The following CYB5R4 variants were observed in gnomAD, a reference collection of about 807,000 sequenced individuals.
CYB5R4 encodes the protein cytochrome b5 reductase 4.
In CYB5R4, 55 loss-of-function variants were observed where a neutral mutation model predicts 70.2. The observed-to-expected ratio is 0.78, with a 90% CI of 0.63 to 0.98. The LOEUF (loss-of-function observed/expected upper bound fraction) is 0.98. Among genes scored for constraint, CYB5R4 ranks in the 50% least tolerant of loss-of-function variants. The probability of loss-of-function intolerance (pLI) is 0.00; values close to 1 mark genes in which losing one functional copy is unlikely to be tolerated. For synonymous variants in CYB5R4, 197 were observed against 199.5 expected (o/e 0.99, Z 0.11); for missense variants, 562 against 612.6 (o/e 0.92, Z 0.87).
chr6:83,954,030 A>T (rs891381391), intron 14 of CYB5R4, among the ~76,000 whole-genome samples: 1 of 152,044 alleles, frequency 6.6e-6, no homozygotes, highest in Non-Finnish European at 1.5e-5. Context: ...AAGGGTCCCA[A>T]CCCCTTCTGG....
chr6:83,924,496 A>G lies in CYB5R4; in HGVS notation c.718A>G (p.Ile240Val). ...GCGGGTTGTTGAGAGTGTGGGAAAA[A>G]TAGAGATTGTTCTACAAAAAAAAGA... is the stretch of plus-strand genomic sequence containing the variant. ...SVRVVESVGK[I>V]EIVLQKKENT... The change falls in exon 10 of 16, where the codon ATA becomes GTA. Residue 240 changes from isoleucine to valine, a missense_variant. Physicochemically the swap from Ile to Val is conservative, Grantham distance 29. Transcript: ENST00000369681. 6.2e-7 allele frequency: 1 copy of G among 1,613,776 alleles called. No individual in the cohort carries two copies. Among genetic ancestry groups the G allele is most frequent in the South Asian group, 1.1e-5 (1 of 91,064 alleles).
intron 4 of CYB5R4, chr6:83,909,974 G>C: frequency 6.6e-7 from 1 of 1,506,756 alleles, no homozygotes; most frequent in Non-Finnish European, 9.1e-7. Context: ...CATCTTATAT[G>C]CATTAGTTTT....
chr6:83,884,886 T>C (rs933920211), intron 2 of CYB5R4, among the ~76,000 whole-genome samples: 1 of 152,216 alleles, frequency 6.6e-6, no homozygotes, highest in African/African-American at 2.4e-5. Context: ...TAGAATTAAA[T>C]ATTTGTTTGA....
intron 3 of CYB5R4, among the ~76,000 whole-genome samples, chr6:83,908,678 A>T (rs1006940555): frequency 7.9e-5 from 12 of 152,218 alleles, no homozygotes; most frequent in Admixed American, 4.6e-4. Context: ...TTTACCCACC[A>T]TTGCTTTTAT....
intron 8 of CYB5R4, 152 bp downstream of exon 8, chr6:83,921,327 A>C: frequency 1.5e-6 from 1 of 661,802 alleles, no homozygotes; most frequent in South Asian, 2.6e-5. Context: ...TAATTTCTTT[A>C]CACTAATAAA....
intron 3 of CYB5R4, among the ~76,000 whole-genome samples, chr6:83,899,290 C>G (rs1305747488): frequency 6.6e-6 from 1 of 152,140 alleles, no homozygotes; most frequent in African/African-American, 2.4e-5. Context: ...TATGTTGAAC[C>G]AGCCTTCCAT....
At chr6:83,862,655 T>C (rs1033845047) in intron 1 of CYB5R4, among the ~76,000 whole-genome samples, 1 of 152,146 alleles carries the variant, frequency 6.6e-6, no homozygotes, top group Non-Finnish European at 1.5e-5. Flanking sequence ...ACCTGGTAAA[T>C]CCCTAGGGAA....
intron 2 of CYB5R4, among the ~76,000 whole-genome samples, chr6:83,885,829 G>T (rs1174175539): frequency 6.6e-6 from 1 of 152,124 alleles, no homozygotes; most frequent in Non-Finnish European, 1.5e-5. Flanking sequence ...CAGTCTGGCA[G>T]TGCCTCAAAA....
intron 2 of CYB5R4, among the ~76,000 whole-genome samples, chr6:83,888,418 G>A (rs1253813160): frequency 1.3e-5 from 2 of 152,136 alleles, no homozygotes; most frequent in African/African-American, 4.8e-5. Flanking sequence ...CCAAGAGCAT[G>A]TGCTCACTTC....
rs974850646 is a variant in CYB5R4 at position 83,963,661 on chromosome 6, G to C, written c.*3783G>C. The C allele has an allele frequency of 6.6e-6, 1 of 152,076 alleles. No homozygotes were observed. Among genetic ancestry groups the C allele is most frequent in the African/African-American group, 2.4e-5 (1 of 41,406 alleles). The allele number at this position is 152,076 out of a possible 1,614,324, so 9.4% of individuals were successfully genotyped here. Reference sequence around the variant, plus strand: ...ATTCAAAAATGAGTTTACTTTCTTTGTTAAAGTTCTCTTTTGATGCATATC... The same window carrying C: ...ATTCAAAAATGAGTTTACTTTCTTTCTTAAAGTTCTCTTTTGATGCATATC... On this transcript the variant is annotated 3_prime_UTR_variant, in exon 16 of 16. Coordinates refer to ENST00000369681, the MANE Select transcript of CYB5R4 (RefSeq NM_016230.4).
At chr6:83,931,418 T>C (rs1158163214) in intron 10 of CYB5R4, among the ~76,000 whole-genome samples, 1 of 152,238 alleles carries the variant, frequency 6.6e-6, no homozygotes, top group Non-Finnish European at 1.5e-5. Flanking sequence ...CTTCTCTTTC[T>C]CTTCTATCTC....
intron 10 of CYB5R4, 90 bp from the exon 11 acceptor site, chr6:83,934,505 A>T (rs2099468628): frequency 8.1e-6 from 7 of 865,512 alleles, no homozygotes; most frequent in Admixed American, 5.8e-5. Context: ...TTTCTAGAAA[A>T]CAGAAGCTGA....
At chr6:83,940,296 A>G in intron 13 of CYB5R4, 90 bp downstream of exon 13, 1 of 1,254,798 alleles carries the variant, frequency 8.0e-7, no homozygotes, top group Non-Finnish European at 1.1e-6. Context: ...GGACCTTAAT[A>G]GACATGTTAC....
chr6:83,939,042 G>A (rs548428740), intron 12 of CYB5R4, among the ~76,000 whole-genome samples: 3 of 151,964 alleles, frequency 2.0e-5, no homozygotes, highest in Non-Finnish European at 4.4e-5. Context: ...CTCCATGTTC[G>A]TCAGGCTGGT....
chr6:83,910,244 T>C lies in CYB5R4; in HGVS notation c.412+1154T>C, dbSNP rs1414521583. 6 of 1,033,576 alleles carry C rather than the reference T, an allele frequency of 5.8e-6. No homozygotes were observed. The East Asian group carries it at 1.0e-4, about 18-fold the overall frequency. The allele number at this position is 1,033,576 out of a possible 1,614,324, so 64.0% of individuals were successfully genotyped here. On this transcript the variant is annotated intron_variant, in intron 4 of 15. Transcript: ENST00000369681. Reference sequence around the variant, plus strand: ...TCAACTTTTGTAAAGTCAGTCAAAGTTCTTTCTTCTAGAAGCCTCAGTTTC... The same window carrying C: ...TCAACTTTTGTAAAGTCAGTCAAAGCTCTTTCTTCTAGAAGCCTCAGTTTC...
At chr6:83,918,602 TA>T (rs746252715) in intron 6 of CYB5R4, among the ~76,000 whole-genome samples, 19 of 152,054 alleles carry the variant, frequency 1.2e-4, no homozygotes, top group Non-Finnish European at 2.8e-4. Flanking sequence ...TTCTATTTTT[TA>T]TATCTAGTTC....
intron 2 of CYB5R4, among the ~76,000 whole-genome samples, chr6:83,880,913 G>C (rs2099459336): frequency 6.6e-6 from 1 of 152,104 alleles, no homozygotes; most frequent in Non-Finnish European, 1.5e-5. Context: ...TAAGTGTCCT[G>C]GGAGCTGTTT....
Position 83,964,377 on chromosome 6 carries a change from G to A in CYB5R4, c.*4499G>A, listed in dbSNP as rs1417020345. On this transcript the variant is annotated 3_prime_UTR_variant, in exon 16 of 16. Coordinates refer to ENST00000369681, the MANE Select transcript of CYB5R4 (RefSeq NM_016230.4). ...GGAACCTGTTGAGAACTGGAGCAAA[G>A]GTGACTCTTGTTATGATTTAGCAAA... is the stretch of plus-strand genomic sequence containing the variant. 1.3e-5 allele frequency: 2 copies of A among 152,560 alleles called. No individual in the cohort carries two copies. The highest frequency in any genetic ancestry group is 2.4e-5 in the African/African-American group (1 of 41,440). 9.5% of individuals were successfully genotyped at this position (152,560 alleles called of 1,614,324 possible). A position where few individuals can be genotyped will look rare whatever the true frequency, so the allele number is the denominator to read the frequency against.
chr6:83,953,224 A>T (rs2099471815), intron 14 of CYB5R4, among the ~76,000 whole-genome samples: 1 of 152,144 alleles, frequency 6.6e-6, no homozygotes, highest in Non-Finnish European at 1.5e-5. Flanking sequence ...AATATATTTA[A>T]CTTTTTTTAA....
Sources: allele counts gnomAD v4.1 joint callset (sites outside exome capture counted in the v4.1 genomes callset), GRCh38; gene constraint gnomAD v4.1.1; transcripts MANE v1.5; gene names NCBI Gene and HGNC (gene_info 2026-07-23, HGNC 2026-07-21).